The following MARCHF1 variants were observed in gnomAD, a reference collection of about 807,000 sequenced individuals.
The protein encoded by MARCHF1 is E3 ubiquitin-protein ligase MARCHF1.
A neutral mutation model predicts 54.2 loss-of-function variants in MARCHF1; 40 were observed. The ratio of observed to expected loss-of-function variants is 0.74; its 90% confidence interval spans 0.57 to 0.96. MARCHF1 has a LOEUF of 0.96. MARCHF1 is among the 40% of genes least tolerant of loss of function. MARCHF1 has a pLI of 0.00. For synonymous variants in MARCHF1, 236 were observed against 236.3 expected (o/e 1.00, Z 0.01); for missense variants, 586 against 656.5 (o/e 0.89, Z 1.17).
chr4:164,361,341 T>G (rs998923504), intron 1 of MARCHF1, among the ~76,000 whole-genome samples: 1 of 152,134 alleles, frequency 6.6e-6, no homozygotes, highest in African/African-American at 2.4e-5. Flanking sequence ...AATTAGACCC[T>G]TCAGCAACCA....
At chr4:163,997,256 T>C (rs146030163) in intron 2 of MARCHF1, among the ~76,000 whole-genome samples, 17 of 152,082 alleles carry the variant, frequency 1.1e-4, no homozygotes, top group Admixed American at 1.1e-3. Context: ...ACAGGGGGCT[T>C]GAAGGAGCTG....
chr4:164,081,709 T>TACAA (rs1310925857), intron 2 of MARCHF1, among the ~76,000 whole-genome samples: 1 of 151,084 alleles, frequency 6.6e-6, no homozygotes. Flanking sequence ...TGCATGCATA[T>TACAA]ACACACACAC....
intron 9 of MARCHF1, chr4:163,530,790 C>CTAA (rs1738319291): frequency 6.6e-6 from 1 of 151,836 alleles, no homozygotes; most frequent in African/African-American, 2.4e-5. Context: ...TAACTAACTC[C>CTAA]TAATACGCAA....
chr4:163,583,431 A>G (rs1454179316), intron 8 of MARCHF1, among the ~76,000 whole-genome samples: 1 of 152,194 alleles, frequency 6.6e-6, no homozygotes, highest in African/African-American at 2.4e-5. Flanking sequence ...CCCTATACAT[A>G]TATAAGTGCT....
chr4:163,832,600 TTA>T (rs1749059119), intron 4 of MARCHF1, among the ~76,000 whole-genome samples: 2 of 150,366 alleles, frequency 1.3e-5, no homozygotes, highest in African/African-American at 4.9e-5. Context: ...ATTATTATTA[TTA>T]TAATACTTTA....
chr4:164,234,516 G>C (rs1560966098), intron 1 of MARCHF1, among the ~76,000 whole-genome samples: 1 of 151,882 alleles, frequency 6.6e-6, no homozygotes, highest in Non-Finnish European at 1.5e-5. Context: ...ACCAATACAG[G>C]GTTTCAGCCT....
At chr4:164,373,155 T>C (rs911151079) in intron 1 of MARCHF1, among the ~76,000 whole-genome samples, 7 of 152,120 alleles carry the variant, frequency 4.6e-5, no homozygotes, top group Non-Finnish European at 1.0e-4. Flanking sequence ...AATACTATCA[T>C]CTGCATTTTG....
intron 7 of MARCHF1, among the ~76,000 whole-genome samples, chr4:163,596,234 G>A (rs1740762828): frequency 6.6e-6 from 1 of 152,026 alleles, no homozygotes; most frequent in South Asian, 2.1e-4. Flanking sequence ...GCTCCTGGAG[G>A]ATAGACGCTC....
intron 4 of MARCHF1, among the ~76,000 whole-genome samples, chr4:163,739,085 C>T (rs774187772): frequency 1.2e-4 from 19 of 152,146 alleles, no homozygotes; most frequent in Non-Finnish European, 2.5e-4. Context: ...TACCTCAATA[C>T]AATACTCAAC....
chr4:164,166,892 G>C (rs1730394481), intron 1 of MARCHF1, among the ~76,000 whole-genome samples: 1 of 80,872 alleles, frequency 1.2e-5, no homozygotes, highest in Non-Finnish European at 4.5e-5. Context: ...ACTATTTTTG[G>C]TAAAAATAAA....
At chr4:163,739,303 C>G (rs1474832485) in intron 4 of MARCHF1, among the ~76,000 whole-genome samples, 1 of 152,168 alleles carries the variant, frequency 6.6e-6, no homozygotes, top group Non-Finnish European at 1.5e-5. Context: ...CAGTGAAATA[C>G]AGGATCACTG....
intron 4 of MARCHF1, among the ~76,000 whole-genome samples, chr4:163,720,508 T>C (rs891368358): frequency 1.3e-4 from 20 of 152,182 alleles, no homozygotes; most frequent in Non-Finnish European, 2.2e-4. Context: ...CTTGGCAATG[T>C]GGGCTCTTTT....
intron 1 of MARCHF1, among the ~76,000 whole-genome samples, chr4:164,302,866 C>CT (rs1285196180): frequency 2.6e-5 from 2 of 77,164 alleles, no homozygotes; most frequent in Admixed American, 2.0e-4. Context: ...GAGAGACTGT[C>CT]TTAAAAAAAA....
In MARCHF1 at chr4:164,310,923, AC is replaced by A. The variant is rs562881234; in HGVS notation, c.-323+72946del. ...TAGTGGGTCAATATTAAAAACTGAA[AC>A]AAACTCAATTTAGAGAACCTACTTC... On this transcript the variant is annotated intron_variant, in intron 1 of 9. Coordinates refer to ENST00000514618, the MANE Select transcript of MARCHF1 (RefSeq NM_001394959.1). 2.7e-3 allele frequency among the ~76,000 whole-genome samples: 415 copies of A among 152,268 alleles called. 2 individuals carry two copies. The highest frequency in any genetic ancestry group is 6.8e-3 in the Middle Eastern group (2 of 294).
chr4:163,775,816 G>A (rs1747289646), intron 4 of MARCHF1, among the ~76,000 whole-genome samples: 1 of 152,116 alleles, frequency 6.6e-6, no homozygotes, highest in African/African-American at 2.4e-5. Context: ...GACCAGAAAT[G>A]TGAGGTCATT....
At chr4:164,147,868 C>CA (rs141162890) in intron 1 of MARCHF1, among the ~76,000 whole-genome samples, 57,187 of 149,722 alleles carry the variant, frequency 0.38, 12,203 homozygotes, top group Non-Finnish European at 0.49. Context: ...TCTCTTATGG[C>CA]AAAAAAAAAA....
intron 4 of MARCHF1, among the ~76,000 whole-genome samples, chr4:163,705,539 A>C (rs1744925800): frequency 1.3e-5 from 2 of 152,008 alleles, no homozygotes; most frequent in South Asian, 4.1e-4. Context: ...GACACCTGTC[A>C]ACATAATCCG....
intron 3 of MARCHF1, among the ~76,000 whole-genome samples, chr4:163,871,297 A>G (rs1458808583): frequency 1.3e-5 from 2 of 152,186 alleles, no homozygotes; most frequent in South Asian, 2.1e-4. Context: ...AGCACAAAAC[A>G]GCATTGCTTT....
intron 3 of MARCHF1, among the ~76,000 whole-genome samples, chr4:163,968,978 T>C (rs1353378207): frequency 1.3e-5 from 2 of 152,088 alleles, no homozygotes; most frequent in Non-Finnish European, 2.9e-5. Context: ...CCTAGAAATA[T>C]CCTGGATTAC....
Sources: gnomAD v4.1 joint callset for allele counts (sites outside exome capture counted in the v4.1 genomes callset) on GRCh38, gnomAD v4.1.1 for gene constraint, MANE v1.5 for transcripts, NCBI Gene and HGNC (gene_info 2026-07-23, HGNC 2026-07-21) for gene names.